Variants in PCDHA2 observed in about 807,000 individuals in gnomAD.
PCDHA2 encodes protocadherin alpha 2.
In PCDHA2, 58 loss-of-function variants were observed where a neutral mutation model predicts 66.0. That is an observed-to-expected ratio of 0.88 (90% CI 0.71 to 1.09). The LOEUF is 1.09. PCDHA2 is among the 50% of genes least tolerant of loss of function. PCDHA2 has a pLI of 0.00. For missense variants in PCDHA2, 1,267 were observed against 1,242.3 expected (o/e 1.02, Z -0.30); for synonymous variants, 634 against 554.0 (o/e 1.14, Z -2.03).
At chr5:140,910,095 C>T (rs1011405673) in intron 1 of PCDHA2, among the ~76,000 whole-genome samples, 1 of 152,188 alleles carries the variant, frequency 6.6e-6, no homozygotes, top group Non-Finnish European at 1.5e-5. Flanking sequence ...GAACCAGCCT[C>T]CCCTTCATTT....
At chr5:140,912,767 G>A (rs1388605585) in intron 1 of PCDHA2, among the ~76,000 whole-genome samples, 2 of 152,064 alleles carry the variant, frequency 1.3e-5, no homozygotes, top group African/African-American at 4.8e-5. Context: ...TTATTACTTT[G>A]AGGTATGTCC....
At position 140,835,853 on chromosome 5, in the gene PCDHA2, G is replaced by A. The variant is rs2150246654; in HGVS notation, c.2388+38501G>A. 3.1e-6 allele frequency: 5 copies of A among 1,612,274 alleles called. No individual in the cohort carries two copies. The Admixed American group carries it at 8.3e-5, about 27-fold the overall frequency. On this transcript the variant is annotated intron_variant, in intron 1 of 3. Transcript: ENST00000526136. ...CGGACGCGCAGAAGAACGCGCTGGT[G>A]TCCTACTCGCTGGTGGAGCTGCGGG...
chr5:140,990,998 T>C (rs994699186), intron 3 of PCDHA2, among the ~76,000 whole-genome samples: 1 of 152,216 alleles, frequency 6.6e-6, no homozygotes, highest in Non-Finnish European at 1.5e-5. Flanking sequence ...CTACCATTTA[T>C]TGAGAACTGT....
intron 1 of PCDHA2, chr5:140,808,630 C>T (rs879967901): frequency 6.2e-7 from 1 of 1,613,606 alleles, no homozygotes; most frequent in African/African-American, 1.3e-5. Flanking sequence ...CTGCGTGGGA[C>T]GCGGACGCGC....
chr5:140,833,113 A>G (rs1554133763), intron 1 of PCDHA2, among the ~76,000 whole-genome samples: 1 of 152,250 alleles, frequency 6.6e-6, no homozygotes, highest in Non-Finnish European at 1.5e-5. Flanking sequence ...ACACTCTTCA[A>G]AGTCATTTGA....
chr5:140,818,382 A>T (rs1393215714), intron 1 of PCDHA2, among the ~76,000 whole-genome samples: 1 of 152,174 alleles, frequency 6.6e-6, no homozygotes, highest in Non-Finnish European at 1.5e-5. Flanking sequence ...GAATCGTGGC[A>T]TTTTTCCATT....
In PCDHA2 at chr5:140,795,751, A is replaced by G. The variant is rs782311905; in HGVS notation, c.787A>G (p.Lys263Glu). 6.2e-7 allele frequency: 1 copy of G among 1,614,064 alleles called. No individual in the cohort carries two copies. The highest frequency in any genetic ancestry group is 8.5e-7 in the Non-Finnish European group (1 of 1,179,998). The change falls in exon 1 of 4, where the codon AAG becomes GAG. Residue 263 changes from lysine to glutamate, a missense_variant. By Grantham distance (56) the Lys-to-Glu change is moderately conservative. Transcript: ENST00000526136. ...TACGGCAAATGGGACCTTAGTGGTT[A>G]AGTTAAACGCTTCTGATGCAGATGA... is the stretch of plus-strand genomic sequence containing the variant. ...ENTANGTLVVKLNASDADEGP... is the reference protein window; with the variant it reads ...ENTANGTLVVELNASDADEGP...
At position 140,978,952 on chromosome 5, in the gene PCDHA2, C is replaced by T. The variant is rs374951627; in HGVS notation, c.2392C>T (p.Arg798Ter). Residue 798 changes from arginine (R) to a stop codon, truncating the protein, a stop_gained, in exon 2 of 4, where the codon CGA (arginine) becomes TGA (stop). Coordinates refer to ENST00000526136, the MANE Select transcript of PCDHA2 (RefSeq NM_018905.3). LOFTEE classifies it high-confidence loss of function. ...LSESEYVGKP[R>*]QPNPDWRYSA... ...AACTCTCTTTGTGATTTTGCAGCCA[C>T]GACAGCCCAACCCTGACTGGCGTTA... is the stretch of plus-strand genomic sequence containing the variant. 5.0e-6 allele frequency: 8 copies of T among 1,614,018 alleles called. No individual in the cohort carries two copies. The highest frequency in any genetic ancestry group is 2.2e-5 in the South Asian group (2 of 91,070).
chr5:140,824,150 C>A (rs147799360), intron 1 of PCDHA2: 1 of 1,611,190 alleles, frequency 6.2e-7, no homozygotes, highest in African/African-American at 1.3e-5. Flanking sequence ...ATATTAACAT[C>A]CATCTTTCCC....
intron 1 of PCDHA2, chr5:140,867,086 T>G (rs2049743912): frequency 6.6e-6 from 1 of 152,178 alleles, no homozygotes; most frequent in African/African-American, 2.4e-5. Context: ...ACTGTATTGT[T>G]GGAAATTAAC....
chr5:140,909,970 G>A (rs76359002), intron 1 of PCDHA2, among the ~76,000 whole-genome samples: 2,125 of 152,312 alleles, frequency 0.014, 45 homozygotes, highest in African/African-American at 0.049. Flanking sequence ...CATGGGGAAG[G>A]ATGGGAGAAA....
intron 1 of PCDHA2, chr5:140,882,538 C>A: frequency 6.2e-7 from 1 of 1,614,170 alleles, no homozygotes; most frequent in Non-Finnish European, 8.5e-7. Context: ...ATTCTCGGAT[C>A]GACCGCGAGG....
At chr5:140,861,018 C>A (rs1263823889) in intron 1 of PCDHA2, 4 of 152,248 alleles carry the variant, frequency 2.6e-5, no homozygotes, top group Non-Finnish European at 4.4e-5. Flanking sequence ...CGAGTGCCAC[C>A]GCACCCGGCC....
chr5:140,897,875 G>A (rs2066378352), intron 1 of PCDHA2, among the ~76,000 whole-genome samples: 1 of 152,080 alleles, frequency 6.6e-6, no homozygotes, highest in South Asian at 2.1e-4. Flanking sequence ...TTTAATGATT[G>A]CCATTCTAAC....
At chr5:140,927,303 G>A (rs1554204320) in intron 1 of PCDHA2, 69 of 1,614,150 alleles carry the variant, frequency 4.3e-5, no homozygotes, top group Non-Finnish European at 5.7e-5. Context: ...CCGAGTTCCT[G>A]ACGCCCGGAG....
At chr5:140,834,207 T>C in intron 1 of PCDHA2, 1 of 628,528 alleles carries the variant, frequency 1.6e-6, no homozygotes, top group Non-Finnish European at 2.7e-6. Flanking sequence ...CCGCAAATTC[T>C]TTCGTAATCA....
Position 140,877,150 on chromosome 5 carries a change from G to C in PCDHA2, c.2388+79798G>C, listed in dbSNP as rs370292278. On this transcript the variant is annotated intron_variant, in intron 1 of 3. Transcript: ENST00000526136. ...GCAGGTGTTCGTGCTGGACGAGAAC[G>C]ACAACGCGCCGGCACTGCTGGCGAC... 1 of 1,613,790 alleles carries C rather than the reference G, an allele frequency of 6.2e-7. No individual in the cohort carries two copies. The highest frequency in any genetic ancestry group is 2.2e-5 in the East Asian group (1 of 44,870).
chr5:140,926,783 C>G lies in PCDHA2; in HGVS notation c.2389-52166C>G, dbSNP rs1230665699. 5.0e-6 allele frequency: 7 copies of G among 1,410,188 alleles called. No homozygotes were observed. The African/African-American group carries it at 7.3e-5, about 15-fold the overall frequency. The allele number at this position is 1,410,188 out of a possible 1,614,324, so 87.4% of individuals were successfully genotyped here. On this transcript the variant is annotated intron_variant, in intron 1 of 3. Transcript: ENST00000526136. The stretch of plus-strand genomic sequence containing the variant: ...GTATCCAGCCCGCAGCAGTGACGGC[C>G]GGCAGGAGCGTGCTCTTCCCCGCGG...
intron 1 of PCDHA2, chr5:140,835,801 A>T: frequency 6.2e-7 from 1 of 1,613,074 alleles, no homozygotes; most frequent in Non-Finnish European, 8.5e-7. Context: ...CCGGGCTGCC[A>T]CATCTTCACT....
Sources: allele counts gnomAD v4.1 joint callset (sites outside exome capture counted in the v4.1 genomes callset), GRCh38; gene constraint gnomAD v4.1.1; transcripts MANE v1.5; gene names NCBI Gene and HGNC (gene_info 2026-07-23, HGNC 2026-07-21).